Variants in ERC1 observed in about 807,000 individuals in gnomAD.
ERC1 encodes the protein ELKS/RAB6-interacting/CAST family member 1, also known as RAB6 interacting protein 2.
In ERC1, 56 loss-of-function variants were observed where a neutral mutation model predicts 132.0. That is an observed-to-expected ratio of 0.42 (90% CI 0.34 to 0.53). The LOEUF (loss-of-function observed/expected upper bound fraction) is 0.53, where lower values mean the gene tolerates loss of function less well. ERC1 is among the 20% of genes least tolerant of loss of function. The probability of loss-of-function intolerance (pLI) is 0.03; values close to 1 mark genes in which losing one functional copy is unlikely to be tolerated. For missense variants in ERC1, 1,202 were observed against 1,349.9 expected (o/e 0.89, Z 1.72); for synonymous variants, 478 against 476.1 (o/e 1.00, Z -0.05).
chr12:1,348,547 G>T (rs894061693), intron 15 of ERC1, among the ~76,000 whole-genome samples: 19 of 152,044 alleles, frequency 1.2e-4, no homozygotes, highest in Admixed American at 7.2e-4. Flanking sequence ...ACAAAAATTA[G>T]CTGGGCGTGG....
chr12:1,440,665 T>A (rs1424474110), intron 17 of ERC1, among the ~76,000 whole-genome samples: 17 of 112,486 alleles, frequency 1.5e-4, no homozygotes, highest in East Asian at 8.3e-4. Flanking sequence ...TGTGTGTGTG[T>A]GTGATGGAGT....
intron 15 of ERC1, among the ~76,000 whole-genome samples, chr12:1,291,634 A>G (rs2079459501): frequency 6.6e-6 from 1 of 152,208 alleles, no homozygotes; most frequent in African/African-American, 2.4e-5. Context: ...GCCCATTTGC[A>G]TAGAAAATTC....
At chr12:1,062,800 G>C (rs953609220) in intron 2 of ERC1, among the ~76,000 whole-genome samples, 4 of 152,182 alleles carry the variant, frequency 2.6e-5, no homozygotes, top group African/African-American at 9.7e-5. Flanking sequence ...AGTGGTGAAA[G>C]TGGGGTGGTG....
intron 12 of ERC1, among the ~76,000 whole-genome samples, chr12:1,218,841 C>T (rs540449297): frequency 0.33 from 49,061 of 147,826 alleles, 9,023 homozygotes; most frequent in African/African-American, 0.49. Context: ...TATACACACA[C>T]ACACACACAC....
At chr12:1,092,287 G>A (rs570102959) in intron 3 of ERC1, among the ~76,000 whole-genome samples, 17 of 152,248 alleles carry the variant, frequency 1.1e-4, no homozygotes, top group South Asian at 6.2e-4. Context: ...GTGAGCCACC[G>A]CGCCCGGCCC....
intron 7 of ERC1, among the ~76,000 whole-genome samples, chr12:1,121,729 ATC>A (rs373270066): frequency 0.011 from 66 of 6,184 alleles, 3 homozygotes; most frequent in Non-Finnish European, 0.026. Context: ...CTCTATCTCT[ATC>A]TCTATCTCTA....
At chr12:1,193,246 T>G (rs1955904653) in intron 12 of ERC1, among the ~76,000 whole-genome samples, 1 of 152,186 alleles carries the variant, frequency 6.6e-6, no homozygotes, top group South Asian at 2.1e-4. Flanking sequence ...CAGAAGATGA[T>G]TTAGTGTTGT....
chr12:1,237,594 G>A (rs1346222863), intron 13 of ERC1, among the ~76,000 whole-genome samples: 1 of 152,206 alleles, frequency 6.6e-6, no homozygotes, highest in African/African-American at 2.4e-5. Flanking sequence ...AGTGGAGCAG[G>A]TGGTATTGTA....
At chr12:1,011,683 T>C (rs1023253155) in intron 1 of ERC1, among the ~76,000 whole-genome samples, 1 of 152,188 alleles carries the variant, frequency 6.6e-6, no homozygotes, top group African/African-American at 2.4e-5. Context: ...CCTGTAATCC[T>C]AGCAGTTTGG....
chr12:1,246,644 G>A (rs752928877), intron 13 of ERC1, among the ~76,000 whole-genome samples: 12 of 152,220 alleles, frequency 7.9e-5, no homozygotes, highest in Admixed American at 6.5e-5. Context: ...AAACCTACCA[G>A]GACACCTTAA....
chr12:1,071,827 A>AT (rs1408514300), intron 2 of ERC1, among the ~76,000 whole-genome samples: 2 of 152,162 alleles, frequency 1.3e-5, no homozygotes, highest in African/African-American at 4.8e-5. Flanking sequence ...GAGGCTGGGC[A>AT]CAGTGGCTCA....
At chr12:1,179,586 C>G (rs950105908) in intron 8 of ERC1, among the ~76,000 whole-genome samples, 1 of 146,896 alleles carries the variant, frequency 6.8e-6, no homozygotes, top group African/African-American at 2.5e-5. Flanking sequence ...CGGCTCACTG[C>G]AGGCTCCGCC....
chr12:1,433,463 G>C (rs947744717), intron 17 of ERC1, among the ~76,000 whole-genome samples: 2 of 152,196 alleles, frequency 1.3e-5, no homozygotes, highest in Non-Finnish European at 1.5e-5. Flanking sequence ...AATGAAGTCG[G>C]GGAGCTGAAA....
In ERC1 at chr12:1,146,306, TG is replaced by T. The variant is rs1211384832; in HGVS notation, c.1737+4521del. On this transcript the variant is annotated intron_variant, in intron 8 of 18. Coordinates refer to ENST00000360905, the MANE Select transcript of ERC1 (RefSeq NM_178040.4). ...TCATTTCCTTGTTTAGGTATTTTAC[TG>T]GTTTTTTTTTTTTTTTTTTTTTTTT... Among the ~76,000 whole-genome samples the T allele has an allele frequency of 1.3e-3, 184 of 136,868 alleles. 4 individuals are homozygous for T. Among genetic ancestry groups the T allele is most frequent in the Non-Finnish European group, 2.4e-3 (155 of 63,698 alleles). The allele number at this position is 136,868 out of a possible 152,430, so 89.8% of individuals were successfully genotyped here.
chr12:1,065,600 G>C (rs1013853030), intron 2 of ERC1, among the ~76,000 whole-genome samples: 2 of 5,896 alleles, frequency 3.4e-4, no homozygotes, highest in East Asian at 0.017. Context: ...TTTTGGGGCG[G>C]GGGGGGACGG....
At chr12:1,116,565 AGAATTTT>A (rs1946469688) in intron 7 of ERC1, among the ~76,000 whole-genome samples, 1 of 147,614 alleles carries the variant, frequency 6.8e-6, no homozygotes, top group Non-Finnish European at 1.5e-5. Flanking sequence ...TAGTGTTTTT[AGAATTTT>A]TTTTTTTTTT....
At chr12:1,425,272 T>TGTGGC (rs2092599905) in intron 17 of ERC1, among the ~76,000 whole-genome samples, 1 of 152,220 alleles carries the variant, frequency 6.6e-6, no homozygotes, top group Admixed American at 6.5e-5. Flanking sequence ...TGAGAGCACT[T>TGTGGC]TTTAGTGTGA....
At chr12:1,233,878 G>A (rs1343334936) in intron 12 of ERC1, among the ~76,000 whole-genome samples, 12 of 152,200 alleles carry the variant, frequency 7.9e-5, no homozygotes, top group Admixed American at 3.3e-4. Context: ...TAAAGTAGCC[G>A]TAAGAAATAA....
chr12:1,221,050 T>A (rs1958936038), intron 12 of ERC1, among the ~76,000 whole-genome samples: 1 of 152,176 alleles, frequency 6.6e-6, no homozygotes, highest in Non-Finnish European at 1.5e-5. Flanking sequence ...TCTTCTTTTA[T>A]TTTTCCCATT....
Sources: gnomAD v4.1 joint callset for allele counts (sites outside exome capture counted in the v4.1 genomes callset) on GRCh38, gnomAD v4.1.1 for gene constraint, MANE v1.5 for transcripts, NCBI Gene and HGNC (gene_info 2026-07-23, HGNC 2026-07-21) for gene names.